FHIT: variants seen among roughly 807,000 people sequenced by gnomAD.
FHIT encodes bis(5'-adenosyl)-triphosphatase.
FHIT carries 19 observed loss-of-function variants against 17.9 expected under a neutral mutation model. The ratio of observed to expected loss-of-function variants is 1.06; its 90% CI spans 0.74 to 1.56. The LOEUF is 1.56. Among genes scored for constraint, FHIT ranks in the 40% most tolerant of loss-of-function variants. The pLI is 0.00. For missense variants in FHIT, 248 were observed against 189.2 expected (o/e 1.31, Z -1.82); for synonymous variants, 81 against 69.7 (o/e 1.16, Z -0.81).
At chr3:60,517,084 G>A (rs2035187341) in intron 5 of FHIT, among the ~76,000 whole-genome samples, 1 of 152,166 alleles carries the variant, frequency 6.6e-6, no homozygotes, top group Non-Finnish European at 1.5e-5. Context: ...AACATGTCGA[G>A]AAGTTGTTAA....
In FHIT at chr3:60,139,993, A is replaced by G. The variant is rs181008980; in HGVS notation, c.104-125841T>C. Among the ~76,000 whole-genome samples the G allele has an allele frequency of 5.4e-3, 822 of 152,094 alleles. 3 individuals are homozygous for G. Among genetic ancestry groups the G allele is most frequent in the Non-Finnish European group, 9.6e-3 (656 of 67,994 alleles). ...AAAAATTAGCCGGGCATGGTGACAC[A>G]TGCCTATAATCCCAGCTACTCAGGA... On this transcript the variant is annotated intron_variant, in intron 5 of 9. Coordinates refer to ENST00000492590, the MANE Select transcript of FHIT (RefSeq NM_002012.4).
rs538565948 is a variant in FHIT at position 61,230,712 on chromosome 3, T to TA, written c.-213+20588dup. 6.6e-5 allele frequency among the ~76,000 whole-genome samples: 10 copies of TA among 152,228 alleles called. No individual in the cohort carries two copies. In the South Asian group the frequency reaches 1.7e-3, roughly 25 times the overall value. ...AGTACCTAGCAAAATGAGAAAAATT[T>TA]AAAAAATAATAATTTTTTAAATGTC... is the stretch of plus-strand genomic sequence containing the variant. On this transcript the variant is annotated intron_variant, in intron 1 of 9. Transcript: ENST00000492590.
chr3:60,853,121 TGAGTTTTCCA>T (rs1362492530), intron 3 of FHIT, among the ~76,000 whole-genome samples: 2 of 152,108 alleles, frequency 1.3e-5, no homozygotes, highest in Non-Finnish European at 2.9e-5. Context: ...GCCCTCCAAC[TGAGTTTTCCA>T]GAGTTTTCCA....
chr3:59,801,897 A>C (rs1036628154), intron 8 of FHIT, among the ~76,000 whole-genome samples: 1 of 152,110 alleles, frequency 6.6e-6, no homozygotes, highest in Admixed American at 6.5e-5. Flanking sequence ...TCTTTTTCTG[A>C]CCACAACCTC....
chr3:61,000,038 C>G (rs2030957786), intron 3 of FHIT, among the ~76,000 whole-genome samples: 1 of 152,080 alleles, frequency 6.6e-6, no homozygotes. Flanking sequence ...AAAGGCCCCA[C>G]TTTGAGGGTT....
intron 2 of FHIT, among the ~76,000 whole-genome samples, chr3:61,105,700 T>G (rs1393570649): frequency 6.6e-6 from 1 of 152,194 alleles, no homozygotes. Context: ...GTGAAGGTTT[T>G]TAGATTCTCC....
intron 4 of FHIT, among the ~76,000 whole-genome samples, chr3:60,546,927 C>T (rs1355108519): frequency 6.6e-6 from 1 of 152,072 alleles, no homozygotes; most frequent in Admixed American, 6.6e-5. Context: ...TGGTAAAAAT[C>T]CTCCCCATAT....
At chr3:60,624,514 G>A (rs1007192992) in intron 4 of FHIT, among the ~76,000 whole-genome samples, 32 of 152,192 alleles carry the variant, frequency 2.1e-4, no homozygotes, top group African/African-American at 7.5e-4. Flanking sequence ...ACATGAATGA[G>A]AATAGGAATG....
At chr3:60,749,463 G>A (rs2042424308) in intron 4 of FHIT, among the ~76,000 whole-genome samples, 1 of 152,124 alleles carries the variant, frequency 6.6e-6, no homozygotes, top group Admixed American at 6.6e-5. Context: ...GAGGGAAAGG[G>A]TGGATTCAAG....
At chr3:59,788,261 C>T (rs1002085204) in intron 8 of FHIT, among the ~76,000 whole-genome samples, 1 of 152,196 alleles carries the variant, frequency 6.6e-6, no homozygotes, top group African/African-American at 2.4e-5. Flanking sequence ...TAGTGAACTG[C>T]AATCATTTGA....
At position 59,922,388 on chromosome 3, in the gene FHIT, C is replaced by T; in HGVS notation, c.306G>A (p.Arg102=). Residue 102 remains arginine (R), a synonymous_variant, in exon 8 of 10, where the codon AGG becomes AGA. Transcript: ENST00000492590. ...VKHVHVHVLP[R]KAGDFHRNDS... ...CATTCCTGTGAAAGTCTCCAGCCTT[C>T]CTGGGAAGAACATGGACGTGAACGT... is the stretch of plus-strand genomic sequence containing the variant. The T allele has an allele frequency of 1.2e-6, 2 of 1,613,938 alleles. No individual in the cohort carries two copies. The highest frequency in any genetic ancestry group is 1.7e-6 in the Non-Finnish European group (2 of 1,179,960).
intron 5 of FHIT, among the ~76,000 whole-genome samples, chr3:60,120,173 A>C (rs1488321290): frequency 6.6e-6 from 1 of 152,196 alleles, no homozygotes; most frequent in South Asian, 2.1e-4. Flanking sequence ...ATACAGCACA[A>C]TGAGCATGTA....
intron 5 of FHIT, among the ~76,000 whole-genome samples, chr3:60,108,615 T>C (rs1031791399): frequency 2.6e-5 from 4 of 152,062 alleles, no homozygotes; most frequent in Non-Finnish European, 1.5e-5. Context: ...GCTAAAATTA[T>C]ACCTTGTGCT....
chr3:60,160,455 C>G (rs116051322), intron 5 of FHIT, among the ~76,000 whole-genome samples: 3 of 152,264 alleles, frequency 2.0e-5, no homozygotes, highest in Non-Finnish European at 2.9e-5. Context: ...ATTGTTTTTA[C>G]AACTATCTTT....
chr3:60,965,722 T>C lies in FHIT; in HGVS notation c.-111+76325A>G, dbSNP rs540894359. On this transcript the variant is annotated intron_variant, in intron 3 of 9. Coordinates refer to ENST00000492590, the MANE Select transcript of FHIT (RefSeq NM_002012.4). ...AGGTCCACTCCAGACCCTGTTTGCC[T>C]GTGTATCACCAGCGGAGGCTGCAGA... Among the ~76,000 whole-genome samples, 65 of 152,344 alleles carry C rather than the reference T, an allele frequency of 4.3e-4. 1 individual carries two copies. The highest frequency in any genetic ancestry group is 1.2e-3 in the South Asian group (6 of 4,824).
At chr3:60,485,596 G>A (rs2033803005) in intron 5 of FHIT, among the ~76,000 whole-genome samples, 1 of 150,522 alleles carries the variant, frequency 6.6e-6, no homozygotes, top group Non-Finnish European at 1.5e-5. Flanking sequence ...AGTGGGAGCT[G>A]AACAATGAGA....
chr3:60,352,135 A>G (rs1699439418), intron 5 of FHIT, among the ~76,000 whole-genome samples: 1 of 152,186 alleles, frequency 6.6e-6, no homozygotes, highest in Non-Finnish European at 1.5e-5. Context: ...AAGGCCCTCA[A>G]TAAATACTAA....
At chr3:61,177,195 A>G (rs1316540398) in intron 2 of FHIT, among the ~76,000 whole-genome samples, 1 of 125,854 alleles carries the variant, frequency 7.9e-6, no homozygotes, top group Admixed American at 8.5e-5. Context: ...AAAAAAGAAA[A>G]AGAAAGAGAA....
At chr3:60,879,542 C>A (rs1440809658) in intron 3 of FHIT, among the ~76,000 whole-genome samples, 3 of 152,176 alleles carry the variant, frequency 2.0e-5, no homozygotes, top group Non-Finnish European at 2.9e-5. Flanking sequence ...GCCAAAGGAA[C>A]AAAATAACTC....
Sources: allele counts gnomAD v4.1 joint callset (sites outside exome capture counted in the v4.1 genomes callset), GRCh38; gene constraint gnomAD v4.1.1; transcripts MANE v1.5; gene names NCBI Gene and HGNC (gene_info 2026-07-23, HGNC 2026-07-21).